Variants in ABLIM1 observed in about 807,000 individuals in gnomAD.
The protein encoded by ABLIM1 is actin binding LIM protein 1.
In ABLIM1, 40 loss-of-function variants were observed where a neutral mutation model predicts 107.0. That is an observed-to-expected ratio of 0.37 (90% CI 0.29 to 0.49). The LOEUF is 0.49. ABLIM1 is among the 20% of genes least tolerant of loss of function. The pLI, the probability that ABLIM1 is intolerant of heterozygous loss-of-function variation, is 0.97. For missense variants in ABLIM1, 857 were observed against 1,008.5 expected, an observed-to-expected ratio of 0.85 and a Z score of 2.04; for synonymous variants, 357 against 357.3, an observed-to-expected ratio of 1.00 and a Z score of 0.01.
At chr10:114,682,611 T>C (rs1406630589) in intron 1 of ABLIM1, among the ~76,000 whole-genome samples, 2 of 152,182 alleles carry the variant, frequency 1.3e-5, no homozygotes, top group Non-Finnish European at 2.9e-5. Context: ...TTGGAATAAT[T>C]TGCCAACTTC....
At chr10:114,519,332 C>T (rs1265642340) in intron 6 of ABLIM1, among the ~76,000 whole-genome samples, 7 of 152,164 alleles carry the variant, frequency 4.6e-5, no homozygotes, top group Non-Finnish European at 1.0e-4. Flanking sequence ...GCAGGTATCA[C>T]CTTGAACACA....
At position 114,462,948 on chromosome 10, in the gene ABLIM1, C is replaced by T. The variant is rs988237051; in HGVS notation, c.1441+2750G>A. Reference sequence around the variant, plus strand: ...CAGGCATGCTGAGAGCTCAAAAGCTCGGCACTAACTCTTGGAGATACACCT... The same window carrying T: ...CAGGCATGCTGAGAGCTCAAAAGCTTGGCACTAACTCTTGGAGATACACCT... On this transcript the variant is annotated intron_variant, in intron 12 of 22. Coordinates refer to ENST00000533213, the MANE Select transcript of ABLIM1 (RefSeq NM_002313.7). 1.7e-5 allele frequency: 21 copies of T among 1,250,902 alleles called. 1 individual carries two copies. The East Asian group carries it at 1.7e-4, about 10-fold the overall frequency. 77.5% of individuals were successfully genotyped at this position (1,250,902 alleles called of 1,614,324 possible). A position where few individuals can be genotyped will look rare whatever the true frequency, so the allele number is the denominator to read the frequency against.
intron 1 of ABLIM1, among the ~76,000 whole-genome samples, chr10:114,640,801 TAAG>T (rs1020309542): frequency 7.2e-5 from 11 of 152,150 alleles, no homozygotes; most frequent in Middle Eastern, 3.4e-3. Context: ...AAATAGAAAA[TAAG>T]AACTACTGAG....
chr10:114,652,000 C>T (rs577415813), intron 1 of ABLIM1, among the ~76,000 whole-genome samples: 4 of 152,306 alleles, frequency 2.6e-5, no homozygotes, highest in South Asian at 2.1e-4. Context: ...GTCAGGAGAG[C>T]GGGTCTGAGG....
At chr10:114,692,492 A>T (rs2081101305) in intron 1 of ABLIM1, among the ~76,000 whole-genome samples, 1 of 152,238 alleles carries the variant, frequency 6.6e-6, no homozygotes, top group Non-Finnish European at 1.5e-5. Flanking sequence ...CCTTGCAATG[A>T]TCTTCCATAT....
At chr10:114,709,793 A>G (rs2081507913) in intron 1 of ABLIM1, among the ~76,000 whole-genome samples, 1 of 152,216 alleles carries the variant, frequency 6.6e-6, no homozygotes, top group Non-Finnish European at 1.5e-5. Flanking sequence ...TCTGTATTTT[A>G]TGATATTTAG....
intron 1 of ABLIM1, chr10:114,631,862 A>T (rs2078201591): frequency 1.5e-6 from 2 of 1,301,642 alleles, no homozygotes; most frequent in Admixed American, 4.6e-5. Context: ...TGCCATTCCA[A>T]CTTCTGCAAC....
chr10:114,441,779 A>T lies in ABLIM1; in HGVS notation c.1941T>A (p.His647Gln). Residue 647 changes from histidine to glutamine, a missense_variant, in exon 18 of 23, where the codon CAT becomes CAA. Physicochemically the swap from His to Gln is conservative, Grantham distance 24 (BLOSUM62 0). Around this residue, in one of 5 missense-constraint regions of ABLIM1, gnomAD observed 193 missense variants for 208.5 expected, o/e 0.93. Transcript: ENST00000533213. ...GAGATGCAGTTTTAGATGATGGAAT[A>T]TGTGAAGCTGAGTAAGAAAAAAGTA... Reference protein sequence around the residue: ...RYDSPINSASHIPSSKTASLP... With the variant: ...RYDSPINSASQIPSSKTASLP... 6.2e-7 allele frequency: 1 copy of T among 1,613,924 alleles called. No homozygotes were observed. Among genetic ancestry groups the T allele is most frequent in the Non-Finnish European group, 8.5e-7 (1 of 1,179,776 alleles).
At position 114,431,412 on chromosome 10, in the gene ABLIM1, C is replaced by A. The variant is rs948561083; in HGVS notation, c.*4848G>T. 2 of 152,206 alleles carry A rather than the reference C, an allele frequency of 1.3e-5. No homozygotes were observed. Among genetic ancestry groups the A allele is most frequent in the Admixed American group, 1.3e-4 (2 of 15,280 alleles). The allele number at this position is 152,206 out of a possible 1,614,324, so 9.4% of individuals were successfully genotyped here. A position where few individuals can be genotyped will look rare whatever the true frequency, so the allele number is the denominator to read the frequency against. On this transcript the variant is annotated 3_prime_UTR_variant, in exon 23 of 23. Transcript: ENST00000533213. ...AGGGGAGGGAGGGCAGGAAGAACCA[C>A]ACACCTTCCAACATTTGAAAAAATT...
At chr10:114,634,763 A>C (rs2078394063) in intron 1 of ABLIM1, among the ~76,000 whole-genome samples, 1 of 152,178 alleles carries the variant, frequency 6.6e-6, no homozygotes, top group Admixed American at 6.5e-5. Flanking sequence ...TTGCTAAGTA[A>C]TAGTCACACG....
upstream of ABLIM1, among the ~76,000 whole-genome samples, chr10:114,769,218 ACCGGTGC>A (rs1358323628): frequency 6.8e-6 from 1 of 146,470 alleles, no homozygotes. Context: ...GGCCTTGGTG[ACCGGTGC>A]TTGTAATCCC....
At chr10:114,551,674 A>C (rs1179519614) in intron 4 of ABLIM1, among the ~76,000 whole-genome samples, 1 of 152,244 alleles carries the variant, frequency 6.6e-6, no homozygotes, top group Non-Finnish European at 1.5e-5. Flanking sequence ...TAAGAAGTCA[A>C]CTTCAGATTC....
chr10:114,508,822 C>A (rs1337459687), intron 6 of ABLIM1, among the ~76,000 whole-genome samples: 1 of 152,196 alleles, frequency 6.6e-6, no homozygotes, highest in Non-Finnish European at 1.5e-5. Flanking sequence ...GTGGTCACCA[C>A]ACAGTGATTA....
upstream of ABLIM1, among the ~76,000 whole-genome samples, chr10:114,685,786 T>C (rs1466282611): frequency 6.6e-6 from 1 of 152,246 alleles, no homozygotes; most frequent in African/African-American, 2.4e-5. Context: ...ATGATAGTGA[T>C]TCCATATTTT....
rs1028562318 is a variant in ABLIM1 at position 114,583,424 on chromosome 10, C to T, written c.380-7825G>A. Among the ~76,000 whole-genome samples the T allele has an allele frequency of 9.8e-4, 24 of 24,590 alleles. 1 individual carries two copies. The highest frequency in any genetic ancestry group is 1.7e-3 in the Non-Finnish European group (18 of 10,680). The allele number at this position is 24,590 out of a possible 152,430, so 16.1% of individuals were successfully genotyped here. A position where few individuals can be genotyped will look rare whatever the true frequency, so the allele number is the denominator to read the frequency against. ...AAGGGAACACACACACACACACACA[C>T]ACACACACACACACACACACACACA... On this transcript the variant is annotated intron_variant, in intron 2 of 22. Transcript: ENST00000533213.
the ABLIM1 span, among the ~76,000 whole-genome samples, chr10:114,785,784 A>G: frequency 1.3e-5 from 2 of 152,210 alleles, no homozygotes; most frequent in East Asian, 1.9e-4. Flanking sequence ...GCTAGAGTGC[A>G]GTGGCACGAT....
intron 1 of ABLIM1, among the ~76,000 whole-genome samples, chr10:114,614,773 G>A (rs2077021687): frequency 6.6e-6 from 1 of 152,068 alleles, no homozygotes; most frequent in Non-Finnish European, 1.5e-5. Context: ...ACAAGTGTGG[G>A]CTGGGCGTGG....
In ABLIM1 at chr10:114,629,729, C is replaced by T. The variant is rs2078044514; in HGVS notation, c.245-27768G>A. Among the ~76,000 whole-genome samples the T allele has an allele frequency of 6.6e-6, 1 of 152,218 alleles. No individual in the cohort carries two copies. The highest frequency in any genetic ancestry group is 1.5e-5 in the Non-Finnish European group (1 of 68,046). On this transcript the variant is annotated intron_variant, in intron 1 of 22. Coordinates refer to ENST00000533213, the MANE Select transcript of ABLIM1 (RefSeq NM_002313.7). The surrounding 1 kb of genome is among the most constrained non-coding windows in gnomAD (Gnocchi z 4.0). ...TACCCTTTCTGATCCCCAGTTTTCT[C>T]ATCTCTAGGATGAATGCCTGGACTA...
intron 1 of ABLIM1, among the ~76,000 whole-genome samples, chr10:114,711,173 T>C (rs559738637): frequency 6.6e-6 from 1 of 152,356 alleles, no homozygotes. Flanking sequence ...TTTCTGGTTG[T>C]TACACGTAAG....
Sources: gnomAD v4.1 joint callset for allele counts (sites outside exome capture counted in the v4.1 genomes callset) on GRCh38, gnomAD v4.1.1 for gene constraint, gnomAD v4.1.1 regional missense constraint, Gnocchi (gnomAD v3.1) non-coding constraint, MANE v1.5 for transcripts, NCBI Gene and HGNC (gene_info 2026-07-23, HGNC 2026-07-21) for gene names.